Variants in NECAB2 observed in about 807,000 individuals in gnomAD.
The protein encoded by NECAB2 is N-terminal EF-hand calcium binding protein 2, also known as N-terminal EF-hand calcium-binding protein 2.
NECAB2 carries 68 observed loss-of-function variants against 51.9 expected under a neutral mutation model. The observed-to-expected ratio is 1.31, with a 90% CI of 1.08 to 1.60. NECAB2 has a LOEUF of 1.60. NECAB2 is among the 40% of genes most tolerant of loss of function. NECAB2 has a pLI of 0.00. For synonymous variants in NECAB2, 329 were observed against 203.5 expected, an observed-to-expected ratio of 1.62 and a Z score of -5.25; for missense variants, 854 against 490.3, an observed-to-expected ratio of 1.74 and a Z score of -7.00.
chr16:83,966,100 G>T (rs2084277499), upstream of NECAB2: 2 of 1,089,250 alleles, frequency 1.8e-6, no homozygotes, highest in Non-Finnish European at 1.3e-6. Flanking sequence ...ATGCCCCGGG[G>T]AGGGGTGTCA....
chr16:83,984,449 A>T (rs1324774043), intron 5 of NECAB2, among the ~76,000 whole-genome samples: 5 of 150,982 alleles, frequency 3.3e-5, no homozygotes, highest in Admixed American at 2.6e-4. Flanking sequence ...GCTGCCGCTC[A>T]CGGTGGCTCA....
intron 2 of NECAB2, among the ~76,000 whole-genome samples, chr16:83,975,831 G>A (rs543924858): frequency 3.3e-5 from 5 of 152,280 alleles, no homozygotes; most frequent in African/African-American, 7.2e-5. Flanking sequence ...CAAACGGCCC[G>A]CTTGGGGTCT....
intron 5 of NECAB2, among the ~76,000 whole-genome samples, chr16:83,982,368 G>GA (rs1555546908): frequency 6.6e-6 from 1 of 152,194 alleles, no homozygotes; most frequent in Non-Finnish European, 1.5e-5. Flanking sequence ...TACCATGTAA[G>GA]ACCTGCTCCC....
chr16:84,001,807 CAT>C lies in NECAB2; in HGVS notation c.1041-17_1041-16del. On this transcript the variant is annotated splice_polypyrimidine_tract_variant and intron_variant, in intron 11 of 12. Transcript: ENST00000305202. Reference sequence around the variant, plus strand: ...CCACTCCTGCCACCCCTGACTCACACATGTCCCTGCGTCACAGGCACCTGCAG... The same window carrying C: ...CCACTCCTGCCACCCCTGACTCACACGTCCCTGCGTCACAGGCACCTGCAG... 3 of 1,613,694 alleles carry C rather than the reference CAT, an allele frequency of 1.9e-6. No individual in the cohort carries two copies. The highest frequency in any genetic ancestry group is 2.5e-6 in the Non-Finnish European group (3 of 1,179,676).
At position 84,000,570 on chromosome 16, in the gene NECAB2, C is replaced by T. The variant is rs151108389; in HGVS notation, c.963-154C>T. Among the ~76,000 whole-genome samples, 526 of 152,262 alleles carry T rather than the reference C, an allele frequency of 3.5e-3. 2 individuals carry two copies. The highest frequency in any genetic ancestry group is 0.011 in the African/African-American group (468 of 41,554). On this transcript the variant is annotated intron_variant, in intron 10 of 12. Coordinates refer to ENST00000305202, the MANE Select transcript of NECAB2 (RefSeq NM_019065.3). ...CAGGCCTTATTCCCTGTGCTGGGGT[C>T]ACCCTGTCGAGTCTCGATGGAGGTC...
chr16:83,965,677 C>T, upstream of NECAB2: 5 of 1,613,576 alleles, frequency 3.1e-6, no homozygotes, highest in Non-Finnish European at 4.2e-6. Flanking sequence ...AGCTGCTGTG[C>T]TTCAAGGAAG....
At chr16:83,979,008 A>G (rs2084451789) in intron 3 of NECAB2, among the ~76,000 whole-genome samples, 1 of 152,292 alleles carries the variant, frequency 6.6e-6, no homozygotes, top group South Asian at 2.1e-4. Context: ...TACGTCTATC[A>G]TTATAGCTTA....
chr16:83,971,841 C>T, intron 1 of NECAB2: 4 of 543,194 alleles, frequency 7.4e-6, no homozygotes, highest in Non-Finnish European at 9.9e-6. Context: ...GCCACGTGGA[C>T]TGATGACTGT....
In NECAB2 at chr16:83,981,861, C is replaced by T. The variant is rs116204460; in HGVS notation, c.459+734C>T. Among the ~76,000 whole-genome samples, 161 of 152,222 alleles carry T rather than the reference C, an allele frequency of 1.1e-3. 1 individual carries two copies. The highest frequency in any genetic ancestry group is 3.7e-3 in the African/African-American group (153 of 41,518). On this transcript the variant is annotated intron_variant, in intron 5 of 12. Transcript: ENST00000305202. ...CAAGGGTGAGGGACCCACAGGTGCT[C>T]GAGGCAGCAGCCACCAGCACCCTGA...
At chr16:83,996,399 T>C (rs76286914) in intron 8 of NECAB2, among the ~76,000 whole-genome samples, 3,465 of 152,274 alleles carry the variant, frequency 0.023, 76 homozygotes, top group East Asian at 0.075. Context: ...TGCTCAAACA[T>C]TTAGAACGTC....
chr16:83,985,367 G>T (rs1279843815), intron 5 of NECAB2, among the ~76,000 whole-genome samples: 1 of 142,286 alleles, frequency 7.0e-6, no homozygotes, highest in African/African-American at 2.6e-5. Context: ...GGGTGCGGTG[G>T]CTCACACCTG....
intron 2 of NECAB2, among the ~76,000 whole-genome samples, chr16:83,974,695 C>T (rs1390851148): frequency 1.3e-5 from 2 of 152,168 alleles, no homozygotes; most frequent in African/African-American, 4.8e-5. Flanking sequence ...GCGGTGCAGG[C>T]AGGTTCTGAT....
chr16:83,977,375 A>G (rs923839547), intron 2 of NECAB2, among the ~76,000 whole-genome samples: 4 of 152,128 alleles, frequency 2.6e-5, no homozygotes, highest in African/African-American at 9.7e-5. Context: ...TTCAGGTGGA[A>G]GGAGCTGAGG....
At chr16:83,971,571 T>C (rs2151084051) in intron 1 of NECAB2, 1 of 154,764 alleles carries the variant, frequency 6.5e-6, no homozygotes, top group African/African-American at 2.4e-5. Context: ...CCCTGCCTAA[T>C]GCAGCCGGAA....
intron 2 of NECAB2, 50 bp downstream of exon 2, chr16:83,972,225 G>T: frequency 6.2e-7 from 1 of 1,612,204 alleles, no homozygotes; most frequent in Middle Eastern, 1.7e-4. Context: ...CTGTCCTCGT[G>T]CTTCATGGGG....
rs150653602 is a variant in NECAB2, at chr16:84,002,434, C to T, written c.*88C>T. On this transcript the variant is annotated 3_prime_UTR_variant, in exon 13 of 13. Transcript: ENST00000305202. ...TTTTTTCTAGACAGACACTTTGGTG[C>T]AGAAGCTTCTTTTCAATCCATCCTC... 1,549 of 1,493,970 alleles carry T rather than the reference C, an allele frequency of 1.0e-3. 19 individuals are homozygous for T. In the African/African-American group the frequency reaches 0.018, roughly 18 times the overall value. 92.5% of individuals were successfully genotyped at this position (1,493,970 alleles called of 1,614,324 possible). A position where few individuals can be genotyped will look rare whatever the true frequency, so the allele number is the denominator to read the frequency against.
In NECAB2 at chr16:84,002,448, C is replaced by T; in HGVS notation, c.*102C>T. 1 of 1,426,638 alleles carries T rather than the reference C, an allele frequency of 7.0e-7. No individual in the cohort carries two copies. 88.4% of individuals were successfully genotyped at this position (1,426,638 alleles called of 1,614,324 possible). A position where few individuals can be genotyped will look rare whatever the true frequency, so the allele number is the denominator to read the frequency against. On this transcript the variant is annotated 3_prime_UTR_variant, in exon 13 of 13. Coordinates refer to ENST00000305202, the MANE Select transcript of NECAB2 (RefSeq NM_019065.3). ...ACACTTTGGTGCAGAAGCTTCTTTT[C>T]AATCCATCCTCCACAAGAAGGTGTT...
At chr16:84,000,253 G>C (rs577506284) in intron 10 of NECAB2, among the ~76,000 whole-genome samples, 61 of 152,254 alleles carry the variant, frequency 4.0e-4, no homozygotes, top group African/African-American at 1.0e-3. Flanking sequence ...ATTTCAGCTG[G>C]GCACAGTGGC....
rs1207857842 is a variant in NECAB2, at chr16:83,980,841, A to G, written c.338A>G (p.His113Arg). The G allele has an allele frequency of 6.3e-7, 1 of 1,591,576 alleles. No individual in the cohort carries two copies. Among genetic ancestry groups the G allele is most frequent in the Admixed American group, 1.8e-5 (1 of 55,514 alleles). The change falls in exon 4 of 13, where the codon CAT becomes CGT. Residue 113 changes from histidine to arginine, a missense_variant and splice_region_variant. Transcript: ENST00000305202. ...TCTGCCTCTGTCTGTCTCTGCAGCC[A>G]TGTGGACACCAAGGAGCTGTGTGGT... ...FHTIDSDNTN[H>R]VDTKELCDYF... is the part of the protein sequence containing the mutation.
Sources: allele counts gnomAD v4.1 joint callset (sites outside exome capture counted in the v4.1 genomes callset), GRCh38; gene constraint gnomAD v4.1.1; transcripts MANE v1.5; gene names NCBI Gene and HGNC (gene_info 2026-07-23, HGNC 2026-07-21).